The following SUMF1 variants were observed in gnomAD, a reference collection of about 807,000 sequenced individuals.
SUMF1 encodes formylglycine-generating enzyme.
SUMF1 carries 48 observed loss-of-function variants against 47.6 expected under a neutral mutation model. That is an observed-to-expected ratio of 1.01 (90% CI 0.80 to 1.28). The LOEUF (loss-of-function observed/expected upper bound fraction) is 1.28. Ranked by LOEUF, SUMF1 falls within the 50% of genes most tolerant of loss-of-function variation. The probability of loss-of-function intolerance (pLI) is 0.00; values close to 1 mark genes in which losing one functional copy is unlikely to be tolerated. For missense variants in SUMF1, 571 were observed against 485.4 expected (o/e 1.18, Z -1.66); for synonymous variants, 230 against 192.1 (o/e 1.20, Z -1.63).
chr3:4,038,972 A>T (rs1694854917), intron 9 of SUMF1, among the ~76,000 whole-genome samples: 1 of 152,198 alleles, frequency 6.6e-6, no homozygotes, highest in African/African-American at 2.4e-5. Context: ...ACAGCAACTT[A>T]ACCATTTATA....
At chr3:4,264,848 A>T (rs977629881) in intron 8 of SUMF1, among the ~76,000 whole-genome samples, 1 of 152,192 alleles carries the variant, frequency 6.6e-6, no homozygotes, top group African/African-American at 2.4e-5. Flanking sequence ...AACATTTTGG[A>T]CACAGCCAGG....
At chr3:4,037,840 T>C (rs1694828313) in intron 9 of SUMF1, among the ~76,000 whole-genome samples, 1 of 152,224 alleles carries the variant, frequency 6.6e-6, no homozygotes, top group Non-Finnish European at 1.5e-5. Flanking sequence ...CTTTTCTGGA[T>C]GTGTTCACAG....
intron 3 of SUMF1, among the ~76,000 whole-genome samples, chr3:4,444,265 G>A (rs933029228): frequency 6.6e-6 from 1 of 152,092 alleles, no homozygotes; most frequent in Non-Finnish European, 1.5e-5. Context: ...TGTTATCAAC[G>A]GGCAAAAACT....
chr3:4,279,109 T>G (rs1697478761), intron 8 of SUMF1, among the ~76,000 whole-genome samples: 1 of 152,182 alleles, frequency 6.6e-6, no homozygotes, highest in African/African-American at 2.4e-5. Flanking sequence ...ACATGTAGTT[T>G]GAGAAGAATT....
At chr3:4,464,955 T>C (rs1322655575) in intron 1 of SUMF1, among the ~76,000 whole-genome samples, 2 of 152,150 alleles carry the variant, frequency 1.3e-5, no homozygotes, top group East Asian at 3.8e-4. Context: ...ACAAAACCAC[T>C]CTATAGGGAT....
At chr3:4,080,883 G>C (rs1287439233) in intron 8 of SUMF1, among the ~76,000 whole-genome samples, 5 of 152,134 alleles carry the variant, frequency 3.3e-5, no homozygotes, top group Admixed American at 2.0e-4. Flanking sequence ...GGACTCAGGA[G>C]CCACATTATC....
At chr3:4,171,349 C>A (rs1403124) in intron 8 of SUMF1, among the ~76,000 whole-genome samples, 99,599 of 151,758 alleles carry the variant, frequency 0.66, 32,829 homozygotes, top group South Asian at 0.73. Context: ...CCAGAACAGG[C>A]GATAAATCAA....
intron 8 of SUMF1, among the ~76,000 whole-genome samples, chr3:4,100,295 C>G (rs1308027472): frequency 4.0e-5 from 6 of 151,696 alleles, no homozygotes; most frequent in Non-Finnish European, 4.4e-5. Flanking sequence ...AAATATATTC[C>G]AAAGCAATAA....
chr3:4,151,893 C>T (rs1024633320), intron 8 of SUMF1, among the ~76,000 whole-genome samples: 2 of 151,360 alleles, frequency 1.3e-5, no homozygotes. Context: ...CCCATGTAAG[C>T]ATGGTAAATA....
At chr3:4,121,793 T>C (rs1693550494) in intron 8 of SUMF1, among the ~76,000 whole-genome samples, 1 of 152,084 alleles carries the variant, frequency 6.6e-6, no homozygotes, top group Non-Finnish European at 1.5e-5. Context: ...ATGAGGGTTA[T>C]GTACAGATTA....
intron 8 of SUMF1, among the ~76,000 whole-genome samples, chr3:4,330,114 T>A (rs1294211840): frequency 1.3e-5 from 2 of 152,338 alleles, no homozygotes; most frequent in Admixed American, 1.3e-4. Flanking sequence ...TTATTGTTCA[T>A]ATCACTATCA....
intron 3 of SUMF1, among the ~76,000 whole-genome samples, chr3:4,425,243 C>T (rs931353902): frequency 6.6e-6 from 1 of 152,176 alleles, no homozygotes; most frequent in African/African-American, 2.4e-5. Flanking sequence ...TCTTCAGCTG[C>T]TTATTTAACC....
chr3:4,303,526 G>C, intron 8 of SUMF1: 1 of 1,416,298 alleles, frequency 7.1e-7, no homozygotes, highest in Non-Finnish European at 9.2e-7. Flanking sequence ...CGCCCTTCCA[G>C]GTAGGGGCGG....
intron 8 of SUMF1, among the ~76,000 whole-genome samples, chr3:4,075,614 C>T (rs145615515): frequency 6.6e-6 from 1 of 152,204 alleles, no homozygotes; most frequent in African/African-American, 2.4e-5. Context: ...CCAAAATCTC[C>T]GTAAGCTGAT....
In SUMF1 at chr3:4,083,952, G is replaced by A. The variant is rs140814916; in HGVS notation, c.1015-15207C>T. ...GGGGATGCTTCTTGCCTTTTTCTCT[G>A]TACTTTATGATGTCTTTCAATTTTA... On this transcript the variant is annotated intron_variant and NMD_transcript_variant, in intron 8 of 12. Coordinates refer to the SUMF1 transcript ENST00000448413. Among the ~76,000 whole-genome samples the A allele has an allele frequency of 1.2e-3, 183 of 151,704 alleles. 1 individual carries two copies. Among genetic ancestry groups the A allele is most frequent in the Admixed American group, 6.7e-3 (102 of 15,260 alleles).
At chr3:4,100,590 G>C (rs1054292898) in intron 8 of SUMF1, among the ~76,000 whole-genome samples, 5 of 151,836 alleles carry the variant, frequency 3.3e-5, no homozygotes, top group Admixed American at 1.3e-4. Context: ...AAACATAGGG[G>C]GAAACCTACA....
At chr3:4,427,109 T>C (rs561143086) in intron 3 of SUMF1, among the ~76,000 whole-genome samples, 36 of 152,344 alleles carry the variant, frequency 2.4e-4, no homozygotes, top group Non-Finnish European at 4.3e-4. Context: ...CAAATTATGC[T>C]TCTTATACAC....
At chr3:4,054,826 G>T (rs534110186) in intron 9 of SUMF1, among the ~76,000 whole-genome samples, 2 of 152,228 alleles carry the variant, frequency 1.3e-5, no homozygotes, top group South Asian at 2.1e-4. Flanking sequence ...TGTGCTAAGG[G>T]CTCCACGTAT....
intron 8 of SUMF1, among the ~76,000 whole-genome samples, chr3:4,302,901 A>G (rs541277874): frequency 1.3e-5 from 2 of 152,244 alleles, no homozygotes; most frequent in South Asian, 4.1e-4. Flanking sequence ...GCCCCCACAC[A>G]AATTCCTTAA....
Sources: gnomAD v4.1 joint callset for allele counts (sites outside exome capture counted in the v4.1 genomes callset) on GRCh38, gnomAD v4.1.1 for gene constraint, MANE v1.5 for transcripts, NCBI Gene and HGNC (gene_info 2026-07-23, HGNC 2026-07-21) for gene names.